PHACTR1: variants seen among roughly 807,000 people sequenced by gnomAD.
PHACTR1 encodes the protein RPEL repeat containing 1.
In PHACTR1, 16 loss-of-function variants were observed where a neutral mutation model predicts 69.2. The observed-to-expected ratio is 0.23, with a 90% confidence interval of 0.16 to 0.35. The LOEUF (loss-of-function observed/expected upper bound fraction) is 0.35. PHACTR1 is among the 10% of genes least tolerant of loss of function. The probability of loss-of-function intolerance (pLI) is 1.00; values close to 1 mark genes in which losing one functional copy is unlikely to be tolerated. For missense variants in PHACTR1, 510 were observed against 734.7 expected (o/e 0.69, Z 3.54); for synonymous variants, 312 against 284.5 (o/e 1.10, Z -0.97).
At chr6:13,129,259 G>A (rs914657351) in intron 5 of PHACTR1, among the ~76,000 whole-genome samples, 10 of 151,930 alleles carry the variant, frequency 6.6e-5, no homozygotes, top group South Asian at 2.1e-4. Flanking sequence ...AAAAAAACAC[G>A]AGGTATTAAG....
At chr6:13,102,255 A>G (rs946466395) in intron 5 of PHACTR1, among the ~76,000 whole-genome samples, 5 of 152,228 alleles carry the variant, frequency 3.3e-5, no homozygotes, top group Non-Finnish European at 7.3e-5. Flanking sequence ...AGTACAATCA[A>G]GTTTCAGACT....
chr6:13,069,372 T>C (rs1199399842), intron 5 of PHACTR1, among the ~76,000 whole-genome samples: 2 of 152,118 alleles, frequency 1.3e-5, no homozygotes, highest in South Asian at 2.1e-4. Context: ...CACTTCTTTT[T>C]CTCTCCAAAG....
At chr6:12,804,229 C>CTAA in intron 4 of PHACTR1, among the ~76,000 whole-genome samples, 1 of 152,346 alleles carries the variant, frequency 6.6e-6, no homozygotes. Flanking sequence ...ATTGAATCAT[C>CTAA]TAATCATTCT....
chr6:12,994,368 C>A (rs550020157), intron 4 of PHACTR1, among the ~76,000 whole-genome samples: 1 of 152,230 alleles, frequency 6.6e-6, no homozygotes, highest in South Asian at 2.1e-4. Context: ...TGGATTTAGG[C>A]ACATAATCAT....
At chr6:13,012,123 G>A (rs1419106591) in intron 4 of PHACTR1, among the ~76,000 whole-genome samples, 1 of 152,214 alleles carries the variant, frequency 6.6e-6, no homozygotes, top group African/African-American at 2.4e-5. Context: ...GGGAGGCGAT[G>A]GCAGCTGGAC....
chr6:13,147,729 A>G (rs936500400), intron 5 of PHACTR1, among the ~76,000 whole-genome samples: 1 of 152,178 alleles, frequency 6.6e-6, no homozygotes, highest in African/African-American at 2.4e-5. Flanking sequence ...TGAGTGTTTT[A>G]TTCCCCCTCA....
intron 4 of PHACTR1, among the ~76,000 whole-genome samples, chr6:12,757,627 C>A (rs1767487111): frequency 6.6e-6 from 1 of 152,100 alleles, no homozygotes; most frequent in Non-Finnish European, 1.5e-5. Context: ...TTTGAAGATA[C>A]AGCCAGTATG....
At chr6:12,909,827 G>T (rs1260548111) in intron 4 of PHACTR1, among the ~76,000 whole-genome samples, 3 of 152,232 alleles carry the variant, frequency 2.0e-5, no homozygotes, top group Non-Finnish European at 2.9e-5. Context: ...TTCCCTAGAA[G>T]ACATGCCCAG....
intron 5 of PHACTR1, among the ~76,000 whole-genome samples, chr6:13,094,172 C>A (rs1031189651): frequency 6.6e-6 from 1 of 152,044 alleles, no homozygotes; most frequent in Non-Finnish European, 1.5e-5. Context: ...TGAGCCACCA[C>A]ACATGGCCAG....
chr6:12,841,298 C>T (rs1778676533), intron 4 of PHACTR1, among the ~76,000 whole-genome samples: 1 of 152,166 alleles, frequency 6.6e-6, no homozygotes, highest in Admixed American at 6.5e-5. Context: ...GTTGTCTCTT[C>T]CTTTTTGTTG....
intron 3 of PHACTR1, among the ~76,000 whole-genome samples, chr6:12,733,225 A>C (rs1335865060): frequency 6.6e-6 from 1 of 152,238 alleles, no homozygotes; most frequent in Non-Finnish European, 1.5e-5. Flanking sequence ...ATAATAGGAC[A>C]TCAGAGCTGG....
At chr6:13,141,899 C>T (rs151175972) in intron 5 of PHACTR1, among the ~76,000 whole-genome samples, 87 of 151,804 alleles carry the variant, frequency 5.7e-4, no homozygotes, top group African/African-American at 2.0e-3. Flanking sequence ...ATTCATTGCC[C>T]CTATTTGAGG....
intron 4 of PHACTR1, among the ~76,000 whole-genome samples, chr6:12,883,034 G>C (rs1783249522): frequency 1.3e-5 from 2 of 152,152 alleles, no homozygotes; most frequent in South Asian, 4.1e-4. Context: ...TGATGCTGCT[G>C]CCCTGGGGGA....
At chr6:12,878,556 C>A (rs1164948504) in intron 4 of PHACTR1, among the ~76,000 whole-genome samples, 1 of 152,150 alleles carries the variant, frequency 6.6e-6, no homozygotes, top group Non-Finnish European at 1.5e-5. Flanking sequence ...ACAGGGGAAC[C>A]CCAGCTAGCT....
chr6:13,245,859 C>G lies in PHACTR1; in HGVS notation c.1391+15666C>G, dbSNP rs2127385173. ...AAGGAGCAGGTCCAGTTTCAATCCCCTGCATATAGCTAGCCAGTTATCCCA... is the reference window on the plus strand; with the variant it reads ...AAGGAGCAGGTCCAGTTTCAATCCCGTGCATATAGCTAGCCAGTTATCCCA... On this transcript the variant is annotated intron_variant, in intron 10 of 14. Transcript: ENST00000332995. This position sits in a 1 kb window ranked among gnomAD's most constrained non-coding sequence, Gnocchi z 4.1. Among the ~76,000 whole-genome samples the G allele has an allele frequency of 6.6e-6, 1 of 152,276 alleles. No homozygotes were observed. The highest frequency in any genetic ancestry group is 3.4e-3 in the Middle Eastern group (1 of 294).
At chr6:13,272,722 G>C (rs2127450199) in intron 10 of PHACTR1, 138 bp from the exon 11 acceptor site, 1 of 1,595,216 alleles carries the variant, frequency 6.3e-7, no homozygotes, top group Non-Finnish European at 8.6e-7. Context: ...GTGGTGGCGA[G>C]AGTCAGTCTT....
At chr6:12,749,258 A>T (rs1262247248) in intron 3 of PHACTR1, among the ~76,000 whole-genome samples, 2 of 152,216 alleles carry the variant, frequency 1.3e-5, no homozygotes, top group Non-Finnish European at 2.9e-5. Context: ...CCCTTTCGCA[A>T]GAGCCTATCT....
At chr6:12,921,262 C>T (rs1225971868) in intron 4 of PHACTR1, among the ~76,000 whole-genome samples, 1 of 152,152 alleles carries the variant, frequency 6.6e-6, no homozygotes, top group Non-Finnish European at 1.5e-5. Context: ...TGTTCTTGAC[C>T]ACTTTGTTAG....
At chr6:13,144,693 G>A (rs866945437) in intron 5 of PHACTR1, among the ~76,000 whole-genome samples, 6 of 151,098 alleles carry the variant, frequency 4.0e-5, no homozygotes, top group African/African-American at 7.3e-5. Flanking sequence ...CTGAGCCCGG[G>A]AAGTGGAGGC....
Sources: gnomAD v4.1 joint callset for allele counts (sites outside exome capture counted in the v4.1 genomes callset) on GRCh38, gnomAD v4.1.1 for gene constraint, Gnocchi (gnomAD v3.1) non-coding constraint, MANE v1.5 for transcripts, NCBI Gene and HGNC (gene_info 2026-07-23, HGNC 2026-07-21) for gene names.